The following ADGRL3 variants were observed in gnomAD, a reference collection of about 807,000 sequenced individuals.
ADGRL3 encodes the protein adhesion G protein-coupled receptor L3.
Under a neutral mutation model 153.5 loss-of-function variants are expected in ADGRL3, and 62 were observed. The observed-to-expected ratio is 0.40, with a 90% CI of 0.33 to 0.50. ADGRL3 has a LOEUF of 0.50. Ranked by LOEUF, ADGRL3 falls within the 20% of genes least tolerant of loss-of-function variation. ADGRL3 has a pLI of 0.47. For missense variants in ADGRL3, 1,641 were observed against 1,859.4 expected, an observed-to-expected ratio of 0.88 and a Z score of 2.16; for synonymous variants, 710 against 672.5, an observed-to-expected ratio of 1.06 and a Z score of -0.86.
chr4:61,826,716 AG>A (rs2097805395), intron 9 of ADGRL3, among the ~76,000 whole-genome samples: 2 of 152,098 alleles, frequency 1.3e-5, no homozygotes, highest in African/African-American at 2.4e-5. Context: ...AATGACTTAG[AG>A]AGAGGTAAAT....
rs1746505101 is a variant in ADGRL3, at chr4:62,074,307, C to G, written c.*3399C>G. On this transcript the variant is annotated 3_prime_UTR_variant, in exon 27 of 27. Coordinates refer to ENST00000683033, the MANE Select transcript of ADGRL3 (RefSeq NM_001387552.1). ...AACAAACAAATGATTACTTTCTTGT[C>G]AAATAATATTTTTGTCACATTTTTA... 1 of 152,008 alleles carries G rather than the reference C, an allele frequency of 6.6e-6. No homozygotes were observed. The highest frequency in any genetic ancestry group is 2.1e-4 in the South Asian group (1 of 4,818). The allele number at this position is 152,008 out of a possible 1,614,324, so 9.4% of individuals were successfully genotyped here. A position where few individuals can be genotyped will look rare whatever the true frequency, so the allele number is the denominator to read the frequency against.
At chr4:61,729,920 G>A (rs1231848331) in intron 6 of ADGRL3, among the ~76,000 whole-genome samples, 1 of 151,930 alleles carries the variant, frequency 6.6e-6, no homozygotes, top group Non-Finnish European at 1.5e-5. Context: ...CAGAGCCAGT[G>A]GCTCATTATT....
chr4:61,503,527 T>C (rs144279306), intron 3 of ADGRL3, among the ~76,000 whole-genome samples: 408 of 152,132 alleles, frequency 2.7e-3, no homozygotes, highest in Non-Finnish European at 4.6e-3. Flanking sequence ...CTCAGTGTAA[T>C]TGGGTTATTT....
At position 61,743,824 on chromosome 4, in the gene ADGRL3, C is replaced by T. The variant is rs551088395; in HGVS notation, c.1399+10270C>T. On this transcript the variant is annotated intron_variant, in intron 8 of 26. Transcript: ENST00000683033. Reference sequence around the variant, plus strand: ...ATTTCTGCATTTCCATCTGAGGTACCGGGTTCATCTCACTAGGGAGTGCCA... The same window carrying T: ...ATTTCTGCATTTCCATCTGAGGTACTGGGTTCATCTCACTAGGGAGTGCCA... Among the ~76,000 whole-genome samples the T allele has an allele frequency of 6.6e-5, 10 of 152,164 alleles. No individual in the cohort carries two copies. The East Asian group carries it at 1.2e-3, about 18-fold the overall frequency.
chr4:61,723,107 A>G (rs1252226796), intron 6 of ADGRL3, among the ~76,000 whole-genome samples: 1 of 152,152 alleles, frequency 6.6e-6, no homozygotes, highest in Non-Finnish European at 1.5e-5. Flanking sequence ...GCTTCTCTTG[A>G]CAATTCCCCC....
At chr4:61,305,005 G>A (rs2094720451) in intron 1 of ADGRL3, among the ~76,000 whole-genome samples, 2 of 152,166 alleles carry the variant, frequency 1.3e-5, no homozygotes, top group South Asian at 4.1e-4. Flanking sequence ...AAAGAAAGCA[G>A]AGTCCTGGCT....
At chr4:61,578,881 C>G (rs2149252859) in intron 4 of ADGRL3, among the ~76,000 whole-genome samples, 1 of 152,178 alleles carries the variant, frequency 6.6e-6, no homozygotes, top group East Asian at 1.9e-4. Context: ...TTCATTCTTT[C>G]TCCAACTACA....
At chr4:61,651,216 T>C (rs1454287822) in intron 5 of ADGRL3, among the ~76,000 whole-genome samples, 1 of 152,204 alleles carries the variant, frequency 6.6e-6, no homozygotes, top group East Asian at 1.9e-4. Flanking sequence ...GAAATTACTC[T>C]ATTTTTGGGA....
chr4:61,757,536 G>T (rs2096851034), intron 8 of ADGRL3, among the ~76,000 whole-genome samples: 1 of 152,014 alleles, frequency 6.6e-6, no homozygotes, highest in Non-Finnish European at 1.5e-5. Context: ...CTTGCTAGCA[G>T]TCTATCAATT....
chr4:61,488,818 A>T (rs1025640085), intron 2 of ADGRL3, among the ~76,000 whole-genome samples: 44 of 152,044 alleles, frequency 2.9e-4, no homozygotes, highest in Non-Finnish European at 7.4e-5. Context: ...AAATATTGTT[A>T]CTGACACAGA....
At chr4:61,964,121 G>A (rs904818665) in intron 17 of ADGRL3, among the ~76,000 whole-genome samples, 1 of 152,146 alleles carries the variant, frequency 6.6e-6, no homozygotes, top group African/African-American at 2.4e-5. Flanking sequence ...GGAGGCTTAG[G>A]TTTCTGATTC....
At chr4:61,404,256 A>T (rs543519526) in intron 2 of ADGRL3, among the ~76,000 whole-genome samples, 1 of 152,230 alleles carries the variant, frequency 6.6e-6, no homozygotes, top group Non-Finnish European at 1.5e-5. Flanking sequence ...CATTATAATT[A>T]TAAATAATAT....
chr4:61,734,184 T>C (rs554500731), intron 8 of ADGRL3, among the ~76,000 whole-genome samples: 1 of 152,326 alleles, frequency 6.6e-6, no homozygotes, highest in South Asian at 2.1e-4. Flanking sequence ...AAAGTGCCCC[T>C]TTTCCATTGA....
At chr4:61,684,027 T>C (rs1336109859) in intron 6 of ADGRL3, among the ~76,000 whole-genome samples, 2 of 152,108 alleles carry the variant, frequency 1.3e-5, no homozygotes, top group Non-Finnish European at 2.9e-5. Flanking sequence ...GCATGGAGAA[T>C]GTGAAACCAA....
chr4:61,574,880 GA>G (rs1373725753), intron 4 of ADGRL3, among the ~76,000 whole-genome samples: 4 of 151,616 alleles, frequency 2.6e-5, no homozygotes, highest in African/African-American at 4.8e-5. Flanking sequence ...ATTTATATGA[GA>G]AAATTTTAGT....
intron 4 of ADGRL3, among the ~76,000 whole-genome samples, chr4:61,524,335 T>A (rs187069583): frequency 1.3e-5 from 2 of 152,252 alleles, no homozygotes; most frequent in East Asian, 3.9e-4. Flanking sequence ...TTCCCATTTA[T>A]GTAAGTCTCC....
At chr4:61,480,884 A>G (rs575860049) in intron 2 of ADGRL3, among the ~76,000 whole-genome samples, 6 of 152,198 alleles carry the variant, frequency 3.9e-5, no homozygotes, top group Admixed American at 2.0e-4. Flanking sequence ...GCCAACAAGT[A>G]TATGAAACGG....
At chr4:61,444,788 C>T (rs1489260756) in intron 2 of ADGRL3, among the ~76,000 whole-genome samples, 5 of 152,196 alleles carry the variant, frequency 3.3e-5, no homozygotes, top group African/African-American at 4.8e-5. Context: ...CACAGTGGCT[C>T]ATGCCTGTAA....
At chr4:61,597,132 C>A (rs1307206497) in intron 5 of ADGRL3, among the ~76,000 whole-genome samples, 2 of 151,346 alleles carry the variant, frequency 1.3e-5, no homozygotes, top group Non-Finnish European at 2.9e-5. Context: ...ATGTTAAGTG[C>A]CCATAACTAT....
Sources: allele counts gnomAD v4.1 joint callset (sites outside exome capture counted in the v4.1 genomes callset), GRCh38; gene constraint gnomAD v4.1.1; transcripts MANE v1.5; gene names NCBI Gene and HGNC (gene_info 2026-07-23, HGNC 2026-07-21).